Variants in STAT3 observed in about 807,000 individuals in gnomAD.
STAT3 encodes signal transducer and activator of transcription 3, also known as DNA-binding protein APRF.
A neutral mutation model predicts 114.3 loss-of-function variants in STAT3; 7 were observed. That is an observed-to-expected ratio of 0.06 (90% CI 0.03 to 0.11). The LOEUF (loss-of-function observed/expected upper bound fraction) is 0.11. Ranked by LOEUF, STAT3 falls within the 10% of genes least tolerant of loss-of-function variation. The probability of loss-of-function intolerance (pLI) is 1.00; values close to 1 mark genes in which losing one functional copy is unlikely to be tolerated. For missense variants in STAT3, 364 were observed against 960.9 expected (o/e 0.38, Z 8.21); for synonymous variants, 331 against 354.5 (o/e 0.93, Z 0.74).
chr17:42,364,364 G>A (rs528338267), intron 1 of STAT3, among the ~76,000 whole-genome samples: 1 of 152,270 alleles, frequency 6.6e-6, no homozygotes, highest in Admixed American at 6.5e-5. Flanking sequence ...GAAAAACAGT[G>A]GTAGGTTGAG....
At chr17:42,351,025 GGAGGCT>G (rs1303267612) in intron 1 of STAT3, among the ~76,000 whole-genome samples, 2 of 151,566 alleles carry the variant, frequency 1.3e-5, no homozygotes, top group Non-Finnish European at 2.9e-5. Flanking sequence ...CAGCTACTAG[GGAGGCT>G]GAGGCAGAAG....
intron 1 of STAT3, among the ~76,000 whole-genome samples, chr17:42,379,048 C>T (rs2084630955): frequency 6.6e-6 from 1 of 152,154 alleles, no homozygotes; most frequent in South Asian, 2.1e-4. Flanking sequence ...AAACAGGTGG[C>T]TGACACCAGA....
chr17:42,374,025 CA>C (rs2084315195), intron 1 of STAT3: 1 of 152,064 alleles, frequency 6.6e-6, no homozygotes, highest in African/African-American at 2.4e-5. Flanking sequence ...AAAATCTTAT[CA>C]AAATGTATAA....
chr17:42,348,666 G>A (rs1338984896), intron 1 of STAT3, 127 bp from the exon 2 acceptor site: 4 of 1,061,546 alleles, frequency 3.8e-6, no homozygotes, highest in Non-Finnish European at 5.5e-6. Flanking sequence ...GGAGGACCCT[G>A]CTTCTTTCTC....
intron 4 of STAT3, among the ~76,000 whole-genome samples, chr17:42,339,719 G>A (rs1017360587): frequency 6.6e-6 from 1 of 152,156 alleles, no homozygotes; most frequent in Non-Finnish European, 1.5e-5. Flanking sequence ...GATGTTGGAT[G>A]TCTACTTAAA....
intron 1 of STAT3, among the ~76,000 whole-genome samples, chr17:42,376,161 AG>A (rs1412963667): frequency 2.7e-5 from 4 of 146,936 alleles, no homozygotes; most frequent in Admixed American, 2.0e-4. Context: ...AAAAAAAAAA[AG>A]AGAAAGAATG....
At chr17:42,336,113 G>T (rs1333240990) in intron 8 of STAT3, among the ~76,000 whole-genome samples, 1 of 152,110 alleles carries the variant, frequency 6.6e-6, no homozygotes, top group Non-Finnish European at 1.5e-5. Flanking sequence ...AACACTCAGG[G>T]TTAGTGAGGA....
At chr17:42,348,605 C>T (rs2082802129) in intron 1 of STAT3, 66 bp from the exon 2 acceptor site, 1 of 1,584,146 alleles carries the variant, frequency 6.3e-7, no homozygotes. Context: ...TAGAAGTAGC[C>T]ATTGCCCAAC....
chr17:42,363,506 C>T lies in STAT3; in HGVS notation c.-23-14967G>A, dbSNP rs1005707448. The stretch of plus-strand genomic sequence containing the variant: ...TTACCCAGGCTGGAGTGCAATAATA[C>T]GATCACAGCTCACTGCAGCCTCAAC... On this transcript the variant is annotated intron_variant, in intron 1 of 23. Coordinates refer to ENST00000264657, the MANE Select transcript of STAT3 (RefSeq NM_139276.3). Among the ~76,000 whole-genome samples the T allele has an allele frequency of 3.3e-5, 5 of 152,094 alleles. No individual in the cohort carries two copies. The East Asian group carries it at 7.7e-4, about 23-fold the overall frequency.
chr17:42,316,270 C>G, intron 23 of STAT3: 1 of 349,262 alleles, frequency 2.9e-6, no homozygotes, highest in South Asian at 2.6e-5. Flanking sequence ...GAGTCTCACT[C>G]TGTCGCCCAG....
intron 23 of STAT3, chr17:42,316,189 T>C (rs774523245): frequency 1.0e-5 from 7 of 672,500 alleles, no homozygotes; most frequent in Non-Finnish European, 1.4e-5. Context: ...TTTAAAGGCT[T>C]AGTATGAAAA....
intron 1 of STAT3, among the ~76,000 whole-genome samples, chr17:42,356,998 G>A (rs2083260628): frequency 6.6e-6 from 1 of 151,836 alleles, no homozygotes; most frequent in African/African-American, 2.4e-5. Flanking sequence ...ATGTTGGCCA[G>A]GCTTGTCTTA....
At chr17:42,332,780 C>A (rs1342830348) in intron 10 of STAT3, among the ~76,000 whole-genome samples, 1 of 151,662 alleles carries the variant, frequency 6.6e-6, no homozygotes, top group African/African-American at 2.4e-5. Context: ...GTGGAGGTTG[C>A]AGTGAGTTGA....
intron 4 of STAT3, among the ~76,000 whole-genome samples, chr17:42,343,417 T>C (rs960791670): frequency 1.3e-5 from 2 of 151,504 alleles, no homozygotes; most frequent in Non-Finnish European, 2.9e-5. Context: ...ATATGCAAAT[T>C]GCATACATTT....
chr17:42,362,473 C>A lies in STAT3; in HGVS notation c.-23-13934G>T, dbSNP rs151291988. Among the ~76,000 whole-genome samples, 1,361 of 152,312 alleles carry A rather than the reference C, an allele frequency of 8.9e-3. 27 individuals are homozygous for A. Among genetic ancestry groups the A allele is most frequent in the African/African-American group, 0.031 (1,282 of 41,570 alleles). On this transcript the variant is annotated intron_variant, in intron 1 of 23. Coordinates refer to ENST00000264657, the MANE Select transcript of STAT3 (RefSeq NM_139276.3). ...TAGAGAGACCTTTTCAAGACACAAA[C>A]TTGATCTTGCCACACCCCTACTTAA... is the stretch of plus-strand genomic sequence containing the variant.
At chr17:42,325,411 G>A (rs1446206033) in intron 15 of STAT3, among the ~76,000 whole-genome samples, 1 of 152,096 alleles carries the variant, frequency 6.6e-6, no homozygotes, top group Non-Finnish European at 1.5e-5. Flanking sequence ...GAGGTCTCAG[G>A]AATCAAAGAC....
chr17:42,386,908 G>A (rs1210643747), intron 1 of STAT3: 1 of 152,044 alleles, frequency 6.6e-6, no homozygotes, highest in Non-Finnish European at 1.5e-5. Context: ...CTCCTGTCTG[G>A]AACATGTAAT....
In STAT3 at chr17:42,334,017, G is replaced by A; in HGVS notation, c.830C>T (p.Thr277Ile). 6.2e-7 allele frequency: 1 copy of A among 1,614,174 alleles called. No homozygotes were observed. The highest frequency in any genetic ancestry group is 8.5e-7 in the Non-Finnish European group (1 of 1,180,032). ...CTCCAGTTTCTTAATTTGTTGACGG[G>A]TCTGAAGTTGAGATTCTGCTAATGA... ...ITSLAESQLQ[T>I]RQQIKKLEEL... Residue 277 changes from threonine (T) to isoleucine (I), a missense_variant, in exon 9 of 24, where the codon ACC becomes ATC. Thr to Ile is a moderately conservative substitution (Grantham distance 89). Coordinates refer to ENST00000264657, the MANE Select transcript of STAT3 (RefSeq NM_139276.3).
intron 11 of STAT3, among the ~76,000 whole-genome samples, chr17:42,331,121 A>G (rs938089487): frequency 6.6e-6 from 1 of 152,214 alleles, no homozygotes; most frequent in Non-Finnish European, 1.5e-5. Flanking sequence ...CAACATTTGC[A>G]CAACAAAATT....
Sources: allele counts gnomAD v4.1 joint callset (sites outside exome capture counted in the v4.1 genomes callset), GRCh38; gene constraint gnomAD v4.1.1; transcripts MANE v1.5; gene names NCBI Gene and HGNC (gene_info 2026-07-23, HGNC 2026-07-21).